HHAT: variants seen among roughly 807,000 people sequenced by gnomAD.
The protein encoded by HHAT is protein-cysteine N-palmitoyltransferase HHAT.
A neutral mutation model predicts 70.8 loss-of-function variants in HHAT; 47 were observed. The ratio of observed to expected loss-of-function variants is 0.66; its 90% CI spans 0.53 to 0.85. HHAT has a LOEUF of 0.85. HHAT is among the 40% of genes least tolerant of loss of function. The pLI is 0.00. For synonymous variants in HHAT, 228 were observed against 247.6 expected (o/e 0.92, Z 0.74); for missense variants, 609 against 604.8 (o/e 1.01, Z -0.07).
intron 11 of HHAT, among the ~76,000 whole-genome samples, chr1:210,665,822 A>C (rs943538615): frequency 6.6e-6 from 1 of 152,228 alleles, no homozygotes; most frequent in Admixed American, 6.5e-5. Context: ...CCAAAGTTTG[A>C]GAATCTGCTA....
rs1351544521 is a variant in HHAT, at chr1:210,586,665, A to G, written c.1044-1233A>G. Among the ~76,000 whole-genome samples, 4 of 152,340 alleles carry G rather than the reference A, an allele frequency of 2.6e-5. 1 individual carries two copies. In the South Asian group the frequency reaches 8.3e-4, roughly 32 times the overall value. On this transcript the variant is annotated intron_variant, in intron 9 of 11. Coordinates refer to ENST00000261458, the MANE Select transcript of HHAT (RefSeq NM_018194.6). The stretch of plus-strand genomic sequence containing the variant: ...TGTAAGTGTCTAGTACTTGGAACAT[A>G]CTGTGTATTCAGAAAAGGATTTTTT...
chr1:210,467,467 T>C (rs2094130337), intron 8 of HHAT, among the ~76,000 whole-genome samples: 1 of 152,186 alleles, frequency 6.6e-6, no homozygotes, highest in South Asian at 2.1e-4. Context: ...GGAAACTAGG[T>C]TTTGAATTTG....
chr1:210,599,132 CAGTAGCT>C (rs1185169976), intron 10 of HHAT, among the ~76,000 whole-genome samples: 2 of 152,172 alleles, frequency 1.3e-5, no homozygotes, highest in Non-Finnish European at 2.9e-5. Flanking sequence ...CTGTCCAGTA[CAGTAGCT>C]ACTAGCCCCA....
chr1:210,557,110 A>T (rs2490216), intron 9 of HHAT, among the ~76,000 whole-genome samples: 36,715 of 152,176 alleles, frequency 0.24, 5,521 homozygotes, highest in Admixed American at 0.31. Context: ...CCAAAGGCTC[A>T]CAGGTGAGAA....
Position 210,572,187 on chromosome 1 carries a change from G to A in HHAT, c.1044-15711G>A, listed in dbSNP as rs137940152. On this transcript the variant is annotated intron_variant, in intron 9 of 11. Coordinates refer to ENST00000261458, the MANE Select transcript of HHAT (RefSeq NM_018194.6). ...ACTTTAAAAGGTGCCGTCTCTGATAGGGATCGTGAATCATAATTATGGTAA... is the reference window on the plus strand; with the variant it reads ...ACTTTAAAAGGTGCCGTCTCTGATAAGGATCGTGAATCATAATTATGGTAA... Among the ~76,000 whole-genome samples, 3 of 152,280 alleles carry A rather than the reference G, an allele frequency of 2.0e-5. No homozygotes were observed. In the East Asian group the frequency reaches 5.8e-4, roughly 29 times the overall value.
At chr1:210,442,122 T>TA (rs199638162) in intron 7 of HHAT, among the ~76,000 whole-genome samples, 29,645 of 146,464 alleles carry the variant, frequency 0.2, 3,049 homozygotes, top group South Asian at 0.25. Context: ...GTTCTTGCGA[T>TA]AGTTTACTGA....
intron 8 of HHAT, among the ~76,000 whole-genome samples, chr1:210,491,494 A>G (rs1408778231): frequency 6.6e-6 from 1 of 152,184 alleles, no homozygotes; most frequent in African/African-American, 2.4e-5. Flanking sequence ...TTACCAGCGG[A>G]GAACCCTTGG....
chr1:210,352,968 G>A (rs888301656), intron 2 of HHAT, among the ~76,000 whole-genome samples: 1 of 150,218 alleles, frequency 6.7e-6, no homozygotes, highest in African/African-American at 2.5e-5. Flanking sequence ...TGGAGTCTTG[G>A]TCTGTCACCC....
intron 10 of HHAT, among the ~76,000 whole-genome samples, chr1:210,618,080 G>T (rs996420536): frequency 6.6e-6 from 1 of 152,172 alleles, no homozygotes; most frequent in Non-Finnish European, 1.5e-5. Flanking sequence ...TACTATGCTG[G>T]TAGGAACATG....
chr1:210,626,491 A>G (rs1270953598), intron 11 of HHAT, among the ~76,000 whole-genome samples: 1 of 152,144 alleles, frequency 6.6e-6, no homozygotes. Flanking sequence ...TGATTATCCA[A>G]ATGAGCCTGT....
At chr1:210,507,570 G>A (rs748410238) in intron 8 of HHAT, among the ~76,000 whole-genome samples, 15 of 151,556 alleles carry the variant, frequency 9.9e-5, no homozygotes, top group South Asian at 4.2e-4. Flanking sequence ...CATTTTGGCC[G>A]GGCTGGTCTT....
chr1:210,621,022 G>T (rs1242745553), intron 10 of HHAT, among the ~76,000 whole-genome samples: 1 of 151,924 alleles, frequency 6.6e-6, no homozygotes, highest in Non-Finnish European at 1.5e-5. Context: ...GGAGTCCTAT[G>T]CCTCCAATAC....
At chr1:210,344,785 A>G (rs1272475375) in intron 1 of HHAT, among the ~76,000 whole-genome samples, 3 of 151,866 alleles carry the variant, frequency 2.0e-5, no homozygotes, top group Non-Finnish European at 4.4e-5. Flanking sequence ...ACCTGTGAAA[A>G]TCTCCCCTAC....
chr1:210,531,049 A>G (rs955453846), intron 9 of HHAT, among the ~76,000 whole-genome samples: 1 of 152,230 alleles, frequency 6.6e-6, no homozygotes, highest in African/African-American at 2.4e-5. Flanking sequence ...CCTATATGGT[A>G]TAGCCTACTG....
chr1:210,404,298 C>T (rs1176470800), intron 5 of HHAT, among the ~76,000 whole-genome samples, 166 bp from the exon 6 acceptor site: 4 of 152,166 alleles, frequency 2.6e-5, no homozygotes, highest in Admixed American at 1.3e-4. Context: ...CATTGGTTCT[C>T]GACTGCCTTT....
intron 9 of HHAT, among the ~76,000 whole-genome samples, chr1:210,585,239 C>T (rs1406145017): frequency 6.6e-6 from 1 of 152,048 alleles, no homozygotes; most frequent in African/African-American, 2.4e-5. Context: ...GTTTCCTCAC[C>T]CATAAAATGG....
At chr1:210,657,231 C>G (rs1441593052) in intron 11 of HHAT, among the ~76,000 whole-genome samples, 1 of 152,180 alleles carries the variant, frequency 6.6e-6, no homozygotes, top group East Asian at 1.9e-4. Context: ...GCAGGAGGAC[C>G]AGGGGAGACA....
intron 11 of HHAT, among the ~76,000 whole-genome samples, chr1:210,625,830 G>C (rs1383138898): frequency 1.3e-5 from 2 of 152,176 alleles, no homozygotes; most frequent in African/African-American, 4.8e-5. Context: ...ATCATGGAGG[G>C]GAAGAGAACA....
chr1:210,453,491 G>C (rs1319557300), intron 7 of HHAT, among the ~76,000 whole-genome samples: 1 of 152,144 alleles, frequency 6.6e-6, no homozygotes, highest in Non-Finnish European at 1.5e-5. Flanking sequence ...TTGCAGCACA[G>C]TTATTTAAAA....
Sources: gnomAD v4.1 joint callset for allele counts (sites outside exome capture counted in the v4.1 genomes callset) on GRCh38, gnomAD v4.1.1 for gene constraint, MANE v1.5 for transcripts, NCBI Gene and HGNC (gene_info 2026-07-23, HGNC 2026-07-21) for gene names.